BIRC6: variants seen among roughly 807,000 people sequenced by gnomAD.
BIRC6 encodes the protein baculoviral IAP repeat containing 6, also known as dual E2 ubiquitin-conjugating enzyme/E3 ubiquitin-protein ligase BIRC6.
In BIRC6, 98 loss-of-function variants were observed where a neutral mutation model predicts 503.3. The observed-to-expected ratio is 0.19, with a 90% confidence interval of 0.17 to 0.23. BIRC6 has a LOEUF of 0.23. BIRC6 is among the 10% of genes least tolerant of loss of function. BIRC6 has a pLI of 1.00. For missense variants in BIRC6, 5,360 were observed against 5,806.0 expected, an observed-to-expected ratio of 0.92 and a Z score of 2.50; for synonymous variants, 2,240 against 2,078.7, an observed-to-expected ratio of 1.08 and a Z score of -2.11.
chr2:32,381,510 G>T (rs1475999988), intron 3 of BIRC6, among the ~76,000 whole-genome samples: 2 of 151,080 alleles, frequency 1.3e-5, no homozygotes, highest in African/African-American at 4.9e-5. Context: ...AGAGTGCTGG[G>T]ATTACAGGTG....
At chr2:32,442,908 C>T (rs2045574637) in intron 19 of BIRC6, among the ~76,000 whole-genome samples, 1 of 152,078 alleles carries the variant, frequency 6.6e-6, no homozygotes, top group Admixed American at 6.6e-5. Flanking sequence ...TCCCAAGACC[C>T]CTCCCCTCCC....
Position 32,493,552 on chromosome 2 carries a change from G to A in BIRC6, c.8353G>A (p.Ala2785Thr). Residue 2785 changes from alanine to threonine, a missense_variant, in exon 45 of 74, where the codon GCT (alanine) becomes ACT (threonine). By Grantham distance (58) the Ala-to-Thr change is moderately conservative. Coordinates refer to ENST00000421745, the MANE Select transcript of BIRC6 (RefSeq NM_016252.4). ...NQHSPQVGPTATQAMQEFLTR... is the reference protein window; with the variant it reads ...NQHSPQVGPTTTQAMQEFLTR... ...CATTTCTCTTTAGGTTGGTCCTACA[G>A]CTACACAAGCTATGCAAGAATTTCT... 2 of 1,609,310 alleles carry A rather than the reference G, an allele frequency of 1.2e-6. No homozygotes were observed. Among genetic ancestry groups the A allele is most frequent in the South Asian group, 2.2e-5 (2 of 90,644 alleles).
At chr2:32,368,278 T>C (rs548577961) in intron 1 of BIRC6, among the ~76,000 whole-genome samples, 4 of 152,172 alleles carry the variant, frequency 2.6e-5, no homozygotes, top group African/African-American at 9.6e-5. Context: ...TGGTGGCTCA[T>C]GCCTGTAATC....
chr2:32,510,514 C>T lies in BIRC6; in HGVS notation c.10238-12C>T. The stretch of plus-strand genomic sequence containing the variant: ...ATTTAGCAAACTTTTTCTTTGGATT[C>T]TTTGTTGCAAGATTTGAATAGTCCT... On this transcript the variant is annotated splice_polypyrimidine_tract_variant and intron_variant, in intron 52 of 73. Coordinates refer to ENST00000421745, the MANE Select transcript of BIRC6 (RefSeq NM_016252.4). 1 of 1,498,796 alleles carries T rather than the reference C, an allele frequency of 6.7e-7. No homozygotes were observed. Among genetic ancestry groups the T allele is most frequent in the Non-Finnish European group, 9.2e-7 (1 of 1,082,920 alleles). 92.8% of individuals were successfully genotyped at this position (1,498,796 alleles called of 1,614,324 possible). A position where few individuals can be genotyped will look rare whatever the true frequency, so the allele number is the denominator to read the frequency against.
chr2:32,570,443 C>T (rs112011665), intron 65 of BIRC6, among the ~76,000 whole-genome samples: 1 of 152,026 alleles, frequency 6.6e-6, no homozygotes, highest in Non-Finnish European at 1.5e-5. Context: ...CTTGGCCTCC[C>T]AAAGTGCTGG....
intron 65 of BIRC6, among the ~76,000 whole-genome samples, chr2:32,554,896 TTAG>T (rs1017038537): frequency 3.7e-4 from 56 of 152,234 alleles, no homozygotes; most frequent in African/African-American, 1.3e-3. Flanking sequence ...TTTGAATTAC[TTAG>T]TAGTTACATC....
At chr2:32,459,534 G>C (rs1416304767) in intron 23 of BIRC6, among the ~76,000 whole-genome samples, 1 of 151,916 alleles carries the variant, frequency 6.6e-6, no homozygotes, top group Non-Finnish European at 1.5e-5. Context: ...TTGTATTTCT[G>C]TTTGAATTTT....
intron 1 of BIRC6, among the ~76,000 whole-genome samples, chr2:32,363,382 T>C (rs1270262300): frequency 6.6e-6 from 1 of 152,144 alleles, no homozygotes; most frequent in Non-Finnish European, 1.5e-5. Flanking sequence ...TAAAGCTTTT[T>C]TTATATTCAG....
Position 32,578,851 on chromosome 2 carries a change from C to G in BIRC6, c.13355+3485C>G, listed in dbSNP as rs1451140450. On this transcript the variant is annotated intron_variant, in intron 66 of 73. Transcript: ENST00000421745. ...ACATACATACTATGTATCACACACTCAGAAACATTTTACAATATTTCTGTC... is the reference window on the plus strand; with the variant it reads ...ACATACATACTATGTATCACACACTGAGAAACATTTTACAATATTTCTGTC... Among the ~76,000 whole-genome samples the G allele has an allele frequency of 3.3e-5, 5 of 151,502 alleles. No homozygotes were observed. In the South Asian group the frequency reaches 6.2e-4, roughly 19 times the overall value.
intron 37 of BIRC6, 118 bp from the exon 38 acceptor site, chr2:32,481,202 T>G: frequency 1.2e-6 from 1 of 864,498 alleles, no homozygotes; most frequent in Non-Finnish European, 1.7e-6. Context: ...ACATAGAGTT[T>G]TTTTTTTTAG....
At position 32,463,220 on chromosome 2, in the gene BIRC6, G is replaced by T; in HGVS notation, c.4780G>T (p.Val1594Leu). Residue 1594 changes from valine (V) to leucine (L), a missense_variant, in exon 24 of 74, where the codon GTA (valine) becomes TTA (leucine). This residue lies in a region of BIRC6 where 2,299 missense variants were observed against 2,267.2 expected (regional missense o/e 1.01). Coordinates refer to ENST00000421745, the MANE Select transcript of BIRC6 (RefSeq NM_016252.4). ...GAGTTCCTTCGGGGTTACTCCTGCA[G>T]TAGGTGGACTATCATCTGGGACAGT... is the stretch of plus-strand genomic sequence containing the variant. Reference protein sequence around the residue: ...AMSSFGVTPAVGGLSSGTVGE... With the variant: ...AMSSFGVTPALGGLSSGTVGE... 6.2e-7 allele frequency: 1 copy of T among 1,613,130 alleles called. No homozygotes were observed. Among genetic ancestry groups the T allele is most frequent in the Non-Finnish European group, 8.5e-7 (1 of 1,179,546 alleles).
In BIRC6 at chr2:32,479,709, A is replaced by G. The variant is rs559343632; in HGVS notation, c.7408+92A>G. 5.4e-5 allele frequency: 62 copies of G among 1,155,736 alleles called. No individual in the cohort carries two copies. In the African/African-American group the frequency reaches 8.9e-4, roughly 17 times the overall value. The allele number at this position is 1,155,736 out of a possible 1,614,324, so 71.6% of individuals were successfully genotyped here. On this transcript the variant is annotated intron_variant, in intron 37 of 73. Transcript: ENST00000421745. ...TTAGAGAAAAATAAAGTTGATTTTT[A>G]TATTTTTCTATTAGTTCTTTGGCCT... is the stretch of plus-strand genomic sequence containing the variant.
In BIRC6 at chr2:32,515,286, C is replaced by T. The variant is rs61757638; in HGVS notation, c.10865C>T (p.Ala3622Val). The T allele has an allele frequency of 2.2e-3, 3,568 of 1,613,890 alleles. 7 individuals carry two copies. The highest frequency in any genetic ancestry group is 2.8e-3 in the Non-Finnish European group (3,341 of 1,179,892). Residue 3622 changes from alanine (A) to valine (V), a missense_variant, in exon 55 of 74, where the codon GCT (alanine) becomes GTT (valine). By Grantham distance (64) the Ala-to-Val change is moderately conservative. Coordinates refer to ENST00000421745, the MANE Select transcript of BIRC6 (RefSeq NM_016252.4). ...GCTTCCTCTTCTCAATCTCCTGAAG[C>T]TATTAAACAATTACTAGACTCAGGT... ...TLASSSQSPE[A>V]IKQLLDSGLP...
chr2:32,614,164 C>T (rs1177869947), intron 73 of BIRC6, among the ~76,000 whole-genome samples: 1 of 152,152 alleles, frequency 6.6e-6, no homozygotes, highest in Non-Finnish European at 1.5e-5. Flanking sequence ...CATCCTTCAT[C>T]CAGCACCCCT....
At position 32,499,904 on chromosome 2, in the gene BIRC6, A is replaced by G. The variant is rs756941237; in HGVS notation, c.8826A>G (p.Ala2942=). 23 of 1,614,076 alleles carry G rather than the reference A, an allele frequency of 1.4e-5. No individual in the cohort carries two copies. In the South Asian group the frequency reaches 2.4e-4, roughly 17 times the overall value. The part of the protein sequence containing the change: ...LPLSGNREYS[A]RVSVTTNTTD... ...TTTCAGGCAATAGGGAATACAGTGC[A>G]AGAGTGTCTGTGACCACAAATACAA... Residue 2942 remains alanine, a synonymous_variant, in exon 46 of 74, where the codon GCA becomes GCG. Transcript: ENST00000421745.
chr2:32,594,833 TTGTTA>T (rs1002121323), intron 67 of BIRC6, among the ~76,000 whole-genome samples, 196 bp from the exon 68 acceptor site: 1 of 152,226 alleles, frequency 6.6e-6, no homozygotes, highest in Non-Finnish European at 1.5e-5. Context: ...TTTTGCTTTA[TTGTTA>T]TGTTTATGTT....
intron 1 of BIRC6, among the ~76,000 whole-genome samples, chr2:32,370,118 G>A (rs2035716132): frequency 6.7e-6 from 1 of 150,152 alleles, no homozygotes; most frequent in African/African-American, 2.5e-5. Context: ...CATCCTAAAG[G>A]AATAATATAA....
chr2:32,488,594 T>G lies in BIRC6; in HGVS notation c.7975T>G (p.Ser2659Ala). Residue 2659 changes from serine (S) to alanine (A), a missense_variant, in exon 42 of 74, where the codon TCA (serine) becomes GCA (alanine). This residue lies in a region of BIRC6 where 2,299 missense variants were observed against 2,267.2 expected (regional missense o/e 1.01). Coordinates refer to ENST00000421745, the MANE Select transcript of BIRC6 (RefSeq NM_016252.4). Reference protein sequence around the residue: ...MLQVHHVQLESLLQLWLTLSL... With the variant: ...MLQVHHVQLEALLQLWLTLSL... ...GATTTTCATTCTTTTTCAGTTGGAG[T>G]CACTTCTCCAATTGTGGCTCACACT... 1 of 1,521,138 alleles carries G rather than the reference T, an allele frequency of 6.6e-7. No homozygotes were observed. The highest frequency in any genetic ancestry group is 8.8e-7 in the Non-Finnish European group (1 of 1,135,668). The allele number at this position is 1,521,138 out of a possible 1,614,324, so 94.2% of individuals were successfully genotyped here.
intron 65 of BIRC6, chr2:32,565,366 A>G (rs1418814397): frequency 6.6e-6 from 1 of 152,162 alleles, no homozygotes; most frequent in African/African-American, 2.4e-5. Context: ...TCTCCCCTAT[A>G]AGACATATTT....
Sources: allele counts gnomAD v4.1 joint callset (sites outside exome capture counted in the v4.1 genomes callset), GRCh38; gene constraint gnomAD v4.1.1; regional missense constraint gnomAD v4.1.1; transcripts MANE v1.5; gene names NCBI Gene and HGNC (gene_info 2026-07-23, HGNC 2026-07-21).